Variants in RXRG observed in about 807,000 individuals in gnomAD.
RXRG encodes the protein retinoic acid receptor RXR-gamma.
Under a neutral mutation model 49.2 loss-of-function variants are expected in RXRG, and 19 were observed. The ratio of observed to expected loss-of-function variants is 0.39; its 90% CI spans 0.27 to 0.57. The LOEUF is 0.57. RXRG is among the 20% of genes least tolerant of loss of function. The pLI is 0.64. For synonymous variants in RXRG, 224 were observed against 216.6 expected, an observed-to-expected ratio of 1.03 and a Z score of -0.30; for missense variants, 452 against 592.5, an observed-to-expected ratio of 0.76 and a Z score of 2.46.
rs1170898498 is a variant in RXRG at position 165,419,174 on chromosome 1, A to T, written c.442+696T>A. ...AACTGAGAAAAGGAGAAGAGAATCA[A>T]AGATAAGTTGGTGAAAACACATTTA... On this transcript the variant is annotated intron_variant, in intron 3 of 9. Transcript: ENST00000359842. Among the ~76,000 whole-genome samples, 9 of 152,348 alleles carry T rather than the reference A, an allele frequency of 5.9e-5. No homozygotes were observed. In the East Asian group the frequency reaches 1.5e-3, roughly 26 times the overall value.
intron 7 of RXRG, among the ~76,000 whole-genome samples, chr1:165,409,119 A>G (rs1369708316): frequency 1.3e-5 from 2 of 152,168 alleles, no homozygotes; most frequent in African/African-American, 4.8e-5. Context: ...CAGCATAAAC[A>G]GTCCATCTTG....
In RXRG at chr1:165,408,252, C is replaced by T. The variant is rs1398540348; in HGVS notation, c.1113G>A (p.Leu371=). ...CTGGGTTAAAGAGTACAATGGCTCG[C>T]AGGCATCCCAGTTCCGACTTGTCCA... is the stretch of plus-strand genomic sequence containing the variant. The part of the protein sequence containing the change: ...MQMDKSELGC[L]RAIVLFNPDA... Residue 371 remains leucine, a synonymous_variant, in exon 8 of 10, where the codon CTG becomes CTA. Transcript: ENST00000359842. 2 of 1,614,052 alleles carry T rather than the reference C, an allele frequency of 1.2e-6. No individual in the cohort carries two copies. Among genetic ancestry groups the T allele is most frequent in the East Asian group, 2.2e-5 (1 of 44,874 alleles).
Position 165,401,286 on chromosome 1 carries a change from C to T in RXRG, c.1369G>A (p.Glu457Lys). ...GCTCAGGTGATCTGCAGCGGGGTCT[C>T]CAACATCTCCATGAGGAAGGTGTCA... ...PIDTFLMEML[E>K]TPLQIT The change falls in exon 10 of 10, where the codon GAG (glutamate) becomes AAG (lysine). Residue 457 changes from glutamate to lysine, a missense_variant. Transcript: ENST00000359842. 1 of 1,614,028 alleles carries T rather than the reference C, an allele frequency of 6.2e-7. No individual in the cohort carries two copies. Among genetic ancestry groups the T allele is most frequent in the Non-Finnish European group, 8.5e-7 (1 of 1,180,012 alleles).
intron 9 of RXRG, among the ~76,000 whole-genome samples, chr1:165,402,539 C>A (rs1404226415): frequency 6.9e-6 from 1 of 145,110 alleles, no homozygotes; most frequent in Non-Finnish European, 1.5e-5. Flanking sequence ...CACACATTAT[C>A]CTACACACTC....
At chr1:165,431,826 G>A (rs1038676757) in intron 1 of RXRG, among the ~76,000 whole-genome samples, 1 of 151,916 alleles carries the variant, frequency 6.6e-6, no homozygotes, top group Non-Finnish European at 1.5e-5. Context: ...TGGTATGTCA[G>A]CAAACTTAAA....
chr1:165,406,497 G>T (rs1290413136), intron 9 of RXRG, among the ~76,000 whole-genome samples: 1 of 152,190 alleles, frequency 6.6e-6, no homozygotes, highest in Non-Finnish European at 1.5e-5. Context: ...CATTTCTGAG[G>T]TTCTGTTTCT....
intron 4 of RXRG, 58 bp downstream of exon 4, chr1:165,416,983 C>A (rs548820450): frequency 6.6e-7 from 1 of 1,525,686 alleles, no homozygotes; most frequent in Non-Finnish European, 8.9e-7. Flanking sequence ...GTTGAATGTC[C>A]CCTTGCCTAG....
At chr1:165,421,142 G>A (rs975056065) in intron 2 of RXRG, among the ~76,000 whole-genome samples, 4 of 152,132 alleles carry the variant, frequency 2.6e-5, no homozygotes, top group South Asian at 2.1e-4. Context: ...CTAAATTCAC[G>A]AGCTTTTTCA....
intron 1 of RXRG, among the ~76,000 whole-genome samples, chr1:165,434,280 A>ATGTGTGTGTGTGTGTGTGTG (rs57708987): frequency 3.4e-4 from 45 of 131,082 alleles, no homozygotes; most frequent in African/African-American, 8.1e-4. Context: ...GCATGTGTGT[A>ATGTGTGTGTGTGTGTGTGTG]TGTGTGTGTG....
chr1:165,429,015 G>A, intron 1 of RXRG, 49 bp from the exon 2 acceptor site: 1 of 1,578,812 alleles, frequency 6.3e-7, no homozygotes, highest in Non-Finnish European at 8.6e-7. Flanking sequence ...ACATGGAAAG[G>A]GGCCCTGGGG....
chr1:165,421,849 A>G (rs1427802882), intron 2 of RXRG, among the ~76,000 whole-genome samples: 1 of 152,078 alleles, frequency 6.6e-6, no homozygotes, highest in Non-Finnish European at 1.5e-5. Context: ...GCATTTCTTA[A>G]TTTCACCAGA....
At position 165,414,546 on chromosome 1, in the gene RXRG, G is replaced by A. The variant is rs1351689626; in HGVS notation, c.622+2495C>T. 2.0e-5 allele frequency among the ~76,000 whole-genome samples: 3 copies of A among 152,136 alleles called. No homozygotes were observed. The East Asian group carries it at 5.8e-4, about 29-fold the overall frequency. On this transcript the variant is annotated intron_variant, in intron 4 of 9. Transcript: ENST00000359842. ...TCACTTTCCTTTAATTCAATATCATGTGCTTAATGAAAACTGTTACTGTTC... is the reference window on the plus strand; with the variant it reads ...TCACTTTCCTTTAATTCAATATCATATGCTTAATGAAAACTGTTACTGTTC...
chr1:165,401,844 A>G (rs1227295909), intron 9 of RXRG, among the ~76,000 whole-genome samples: 1 of 152,226 alleles, frequency 6.6e-6, no homozygotes, highest in Admixed American at 6.5e-5. Context: ...GGTAGCTGTC[A>G]CCATTAGATG....
intron 7 of RXRG, among the ~76,000 whole-genome samples, chr1:165,409,236 C>T (rs1013665158): frequency 6.6e-6 from 1 of 152,188 alleles, no homozygotes; most frequent in Non-Finnish European, 1.5e-5. Flanking sequence ...AAGATCTAAT[C>T]TCTCCTTAGG....
chr1:165,422,797 C>T (rs1044151125), intron 2 of RXRG, among the ~76,000 whole-genome samples: 32 of 152,220 alleles, frequency 2.1e-4, no homozygotes, highest in Non-Finnish European at 3.2e-4. Flanking sequence ...TTAGAGGAGA[C>T]ATCCAAGGTA....
At chr1:165,404,553 G>A (rs74121142) in intron 9 of RXRG, among the ~76,000 whole-genome samples, 6,481 of 152,238 alleles carry the variant, frequency 0.043, 168 homozygotes, top group East Asian at 0.072. Flanking sequence ...GTAGTTGTCA[G>A]TAATTGAATA....
At chr1:165,428,373 C>A (rs545272172) in intron 2 of RXRG, among the ~76,000 whole-genome samples, 22 of 152,194 alleles carry the variant, frequency 1.4e-4, no homozygotes, top group Non-Finnish European at 2.5e-4. Flanking sequence ...GCACGTGGCA[C>A]TTCAGTGACT....
chr1:165,423,311 TCCTATCTGCTGCTGCACGCAAG>T (rs1446687916), intron 2 of RXRG, among the ~76,000 whole-genome samples: 1 of 152,204 alleles, frequency 6.6e-6, no homozygotes, highest in African/African-American at 2.4e-5. Context: ...ACCAGGCAAC[TCCTATCTGCTGCTGCACGCAAG>T]CCAGCTGCTC....
chr1:165,404,743 A>G (rs1206362684), intron 9 of RXRG, among the ~76,000 whole-genome samples: 1 of 152,010 alleles, frequency 6.6e-6, no homozygotes, highest in Non-Finnish European at 1.5e-5. Flanking sequence ...AGTTCTTATT[A>G]CCTGTTTTTT....
Sources: allele counts gnomAD v4.1 joint callset (sites outside exome capture counted in the v4.1 genomes callset), GRCh38; gene constraint gnomAD v4.1.1; transcripts MANE v1.5; gene names NCBI Gene and HGNC (gene_info 2026-07-23, HGNC 2026-07-21).